AFF3: variants seen among roughly 807,000 people sequenced by gnomAD.
The protein encoded by AFF3 is AF4/FMR2 family member 3.
In AFF3, 32 loss-of-function variants were observed where a neutral mutation model predicts 129.7. That is an observed-to-expected ratio of 0.25 (90% CI 0.19 to 0.33). AFF3 has a LOEUF of 0.33. Among genes scored for constraint, AFF3 ranks in the 10% least tolerant of loss-of-function variants. The pLI is 1.00. For synonymous variants in AFF3, 644 were observed against 635.4 expected, an observed-to-expected ratio of 1.01 and a Z score of -0.20; for missense variants, 1,373 against 1,592.0, an observed-to-expected ratio of 0.86 and a Z score of 2.34.
At chr2:99,615,473 C>A (rs867019965) in intron 13 of AFF3, among the ~76,000 whole-genome samples, 3 of 152,250 alleles carry the variant, frequency 2.0e-5, no homozygotes, top group Non-Finnish European at 4.4e-5. Context: ...TTGAAAAGCC[C>A]TTCTTGGCCC....
chr2:99,882,646 TG>T (rs1253788595), intron 7 of AFF3, among the ~76,000 whole-genome samples: 7 of 152,210 alleles, frequency 4.6e-5, no homozygotes, highest in African/African-American at 1.7e-4. Context: ...CAGGAGCTCA[TG>T]GTAAAGCCTG....
chr2:99,578,553 C>T, intron 17 of AFF3, 102 bp from the exon 18 acceptor site: 1 of 1,512,512 alleles, frequency 6.6e-7, no homozygotes, highest in East Asian at 2.4e-5. Flanking sequence ...CTCTACAGAA[C>T]ATCTTTGTGT....
chr2:99,601,453 G>T lies in AFF3; in HGVS notation c.1353C>A (p.Pro451=), dbSNP rs540445816. Reference sequence around the variant, plus strand: ...CGCTTACCTCGGGGCTGGAGAAGTGGGGGGGCTTGCTGCCCTCACTCTCGC... The same window carrying T: ...CGCTTACCTCGGGGCTGGAGAAGTGTGGGGGCTTGCTGCCCTCACTCTCGC... The part of the protein sequence containing the change: ...SSSESEGSKP[P]HFSSPEAEPA... The change falls in exon 14 of 25, where the codon CCC becomes CCA. Residue 451 remains proline, a synonymous_variant. Transcript: ENST00000672756. The T allele has an allele frequency of 1.2e-6, 2 of 1,607,924 alleles. No homozygotes were observed. The highest frequency in any genetic ancestry group is 2.2e-5 in the East Asian group (1 of 44,708).
In AFF3 at chr2:99,565,511, T is replaced by C; in HGVS notation, c.3095A>G (p.Tyr1032Cys). Reference protein sequence around the residue: ...PMESKSPYTMYSETVELIRYA... With the variant: ...PMESKSPYTMCSETVELIRYA... ...CCTGATGAGCTCTACTGTTTCTGAATACATCGTATAAGGAGATTTGGATTC... is the reference window on the plus strand; with the variant it reads ...CCTGATGAGCTCTACTGTTTCTGAACACATCGTATAAGGAGATTTGGATTC... The change falls in exon 20 of 25, where the codon TAT becomes TGT. Residue 1032 changes from tyrosine to cysteine, a missense_variant. By Grantham distance (194) the Tyr-to-Cys change is radical. Coordinates refer to ENST00000672756, the MANE Select transcript of AFF3 (RefSeq NM_001386135.1). 1 of 1,614,216 alleles carries C rather than the reference T, an allele frequency of 6.2e-7. No individual in the cohort carries two copies. Among genetic ancestry groups the C allele is most frequent in the Non-Finnish European group, 8.5e-7 (1 of 1,180,020 alleles).
chr2:99,969,589 A>G (rs928065293), intron 7 of AFF3, among the ~76,000 whole-genome samples: 3 of 152,116 alleles, frequency 2.0e-5, no homozygotes, highest in African/African-American at 7.2e-5. Context: ...CCCAGGCTCA[A>G]AAGATTCTCC....
intron 8 of AFF3, among the ~76,000 whole-genome samples, chr2:99,788,952 T>C (rs1189761811): frequency 1.3e-5 from 2 of 152,252 alleles, no homozygotes; most frequent in Non-Finnish European, 2.9e-5. Flanking sequence ...TGCAGGTTTC[T>C]GGCCTAGGAG....
chr2:99,877,880 C>T (rs1460897974), intron 7 of AFF3, among the ~76,000 whole-genome samples: 1 of 152,078 alleles, frequency 6.6e-6, no homozygotes, highest in Non-Finnish European at 1.5e-5. Flanking sequence ...GGGCCAGATG[C>T]TATTCTAGGT....
chr2:99,729,491 TG>T (rs1320084867), intron 10 of AFF3, among the ~76,000 whole-genome samples: 1 of 152,112 alleles, frequency 6.6e-6, no homozygotes, highest in Non-Finnish European at 1.5e-5. Context: ...TTTGCCTTTC[TG>T]GGGGGAAAAG....
chr2:99,812,676 C>T (rs995289998), intron 8 of AFF3, among the ~76,000 whole-genome samples: 14 of 152,176 alleles, frequency 9.2e-5, no homozygotes, highest in Admixed American at 3.3e-4. Context: ...TTCCTATTAA[C>T]GGCACTATGA....
chr2:99,994,288 A>G (rs1004102220), intron 7 of AFF3, among the ~76,000 whole-genome samples: 8 of 152,184 alleles, frequency 5.3e-5, no homozygotes. Flanking sequence ...GAGCAAACAG[A>G]GTGGGCATCT....
chr2:99,889,027 A>C (rs1217249643), intron 7 of AFF3, among the ~76,000 whole-genome samples: 2 of 152,226 alleles, frequency 1.3e-5, no homozygotes, highest in Non-Finnish European at 2.9e-5. Context: ...AACCTTTAAA[A>C]ATTTATTTTT....
chr2:99,593,527 C>T lies in AFF3; in HGVS notation c.2134G>A (p.Ala712Thr), dbSNP rs148703034. ...CTAGGACCACTGCCCCCGTTGGCAG[C>T]GGCCTCCTTCAGCCTCTGATCATTC... ...SGNDQRLKEA[A>T]ANGGSGPRAP... Residue 712 changes from alanine (A) to threonine (T), a missense_variant, in exon 15 of 25, where the codon GCT (alanine) becomes ACT (threonine). Ala to Thr is a moderately conservative substitution (Grantham distance 58, BLOSUM62 0). Transcript: ENST00000672756. 7.5e-4 allele frequency: 1,213 copies of T among 1,613,092 alleles called. 3 individuals are homozygous for T. The highest frequency in any genetic ancestry group is 9.4e-4 in the Non-Finnish European group (1,105 of 1,179,672).
chr2:99,947,008 GATAT>G, intron 7 of AFF3, among the ~76,000 whole-genome samples: 1 of 152,222 alleles, frequency 6.6e-6, no homozygotes, highest in South Asian at 2.1e-4. Flanking sequence ...CCTGCAAGCA[GATAT>G]ATTATTTGAT....
intron 7 of AFF3, among the ~76,000 whole-genome samples, chr2:99,974,096 G>A (rs569074966): frequency 1.3e-4 from 20 of 152,296 alleles, no homozygotes; most frequent in Admixed American, 5.2e-4. Context: ...TTAATATAAC[G>A]GAGGTAAATG....
chr2:99,791,448 G>A (rs4851232), intron 8 of AFF3, among the ~76,000 whole-genome samples: 132,899 of 152,260 alleles, frequency 0.87, 58,063 homozygotes, highest in South Asian at 0.92. Context: ...TGACAAGAAA[G>A]ATAGTCTGTG....
intron 8 of AFF3, among the ~76,000 whole-genome samples, chr2:99,793,758 C>T (rs1052288387): frequency 6.6e-6 from 1 of 152,026 alleles, no homozygotes; most frequent in African/African-American, 2.4e-5. Flanking sequence ...TATCTTTGTC[C>T]ATTTTCTATT....
chr2:99,687,141 A>G (rs1675140320), intron 11 of AFF3, among the ~76,000 whole-genome samples: 1 of 152,238 alleles, frequency 6.6e-6, no homozygotes, highest in African/African-American at 2.4e-5. Flanking sequence ...CATTAAACTC[A>G]GAACAAAGAG....
At chr2:99,764,920 GC>G (rs1682886755) in intron 8 of AFF3, among the ~76,000 whole-genome samples, 1 of 150,196 alleles carries the variant, frequency 6.7e-6, no homozygotes, top group Non-Finnish European at 1.5e-5. Context: ...TTTTTGACAA[GC>G]AAAAAAAAAA....
chr2:99,785,056 G>C (rs1006308287), intron 8 of AFF3, among the ~76,000 whole-genome samples: 4 of 152,132 alleles, frequency 2.6e-5, no homozygotes, highest in African/African-American at 9.7e-5. Context: ...CGCCCTCTGA[G>C]GTTTTAGTCA....
Sources: allele counts gnomAD v4.1 joint callset (sites outside exome capture counted in the v4.1 genomes callset), GRCh38; gene constraint gnomAD v4.1.1; transcripts MANE v1.5; gene names NCBI Gene and HGNC (gene_info 2026-07-23, HGNC 2026-07-21).